The following IGHMBP2 variants were observed in gnomAD, a reference collection of about 807,000 sequenced individuals.
The protein encoded by IGHMBP2 is DNA-binding protein SMUBP-2.
In IGHMBP2, 81 loss-of-function variants were observed where a neutral mutation model predicts 96.0. The ratio of observed to expected loss-of-function variants is 0.84; its 90% confidence interval spans 0.71 to 1.01. IGHMBP2 has a LOEUF of 1.01. Ranked by LOEUF, IGHMBP2 falls within the 50% of genes least tolerant of loss-of-function variation. The pLI, the probability that IGHMBP2 is intolerant of heterozygous loss-of-function variation, is 0.00. For synonymous variants in IGHMBP2, 557 were observed against 548.9 expected (o/e 1.01, Z -0.21); for missense variants, 1,227 against 1,306.3 (o/e 0.94, Z 0.94).
chr11:68,934,268 G>A (rs1347554301), intron 10 of IGHMBP2, 196 bp from the exon 11 acceptor site: 6 of 664,186 alleles, frequency 9.0e-6, no homozygotes. Context: ...GGCCTTCATT[G>A]CTGATGTGAA....
intron 8 of IGHMBP2, chr11:68,930,389 GA>G: frequency 7.8e-7 from 1 of 1,289,810 alleles, no homozygotes; most frequent in Non-Finnish European, 1.0e-6. Flanking sequence ...AAATCCTGTC[GA>G]GTAGAATCTC....
rs751421003 is a variant in IGHMBP2, at chr11:68,914,967, C to T, written c.856C>T (p.Arg286Trp). Residue 286 changes from arginine to tryptophan, a missense_variant, in exon 6 of 15, where the codon CGG (arginine) becomes TGG (tryptophan). By Grantham distance (101) the Arg-to-Trp change is moderately radical. Around this residue, in one of 3 missense-constraint regions of IGHMBP2, gnomAD observed 507 missense variants for 496.9 expected, o/e 1.02. Transcript: ENST00000255078. ...QQHSLDAVLA[R>W]SDSAQIVADI... ...GCACTCCCTGGATGCGGTTTTAGCG[C>T]GGAGCGACAGTGCCCAGATTGTTGC... The T allele has an allele frequency of 4.6e-5, 75 of 1,614,016 alleles. No homozygotes were observed. The highest frequency in any genetic ancestry group is 3.3e-4 in the Middle Eastern group (2 of 6,084).
chr11:68,917,364 T>G (rs7127717), intron 6 of IGHMBP2, among the ~76,000 whole-genome samples: 5,329 of 152,218 alleles, frequency 0.035, 315 homozygotes, highest in African/African-American at 0.12. Flanking sequence ...AAATGTAGAA[T>G]AATATGTGAA....
chr11:68,915,144 T>G (rs1263124390), intron 6 of IGHMBP2, 121 bp downstream of exon 6: 3 of 594,304 alleles, frequency 5.0e-6, no homozygotes, highest in Non-Finnish European at 8.5e-6. Flanking sequence ...ATTCCTTTAA[T>G]AATTTTAAAA....
intron 8 of IGHMBP2, among the ~76,000 whole-genome samples, chr11:68,930,868 G>C (rs1312496712): frequency 6.6e-6 from 1 of 152,156 alleles, no homozygotes. Context: ...GGTCTCTGAA[G>C]CTCTCAGCAG....
At chr11:68,921,062 T>A (rs530066619) in intron 7 of IGHMBP2, among the ~76,000 whole-genome samples, 2 of 151,870 alleles carry the variant, frequency 1.3e-5, no homozygotes, top group Non-Finnish European at 2.9e-5. Context: ...CTAAAGTGAA[T>A]TTTTTTGTAG....
chr11:68,911,714 C>T (rs1858443822), intron 5 of IGHMBP2, 111 bp downstream of exon 5: 1 of 966,900 alleles, frequency 1.0e-6, no homozygotes, highest in Non-Finnish European at 1.6e-6. Context: ...GGGTCAGGAA[C>T]ATTACTGAGC....
chr11:68,926,095 C>G (rs1859056033), intron 7 of IGHMBP2: 1 of 151,980 alleles, frequency 6.6e-6, no homozygotes. Flanking sequence ...TTGATAATGC[C>G]CCACAGATCT....
At position 68,939,891 on chromosome 11, in the gene IGHMBP2, G is replaced by T; in HGVS notation, c.*160G>T. On this transcript the variant is annotated 3_prime_UTR_variant, in exon 15 of 15. Coordinates refer to ENST00000255078, the MANE Select transcript of IGHMBP2 (RefSeq NM_002180.3). The stretch of plus-strand genomic sequence containing the variant: ...GAAGGTTGGGTTTTTGGACCCCAGG[G>T]ATAAGCTTTTCCGATGTCACAATGT... 4 of 703,354 alleles carry T rather than the reference G, an allele frequency of 5.7e-6. No individual in the cohort carries two copies. In the East Asian group the frequency reaches 8.2e-5, roughly 14 times the overall value. The allele number at this position is 703,354 out of a possible 1,614,324, so 43.6% of individuals were successfully genotyped here.
chr11:68,931,051 G>T (rs1262238128), intron 8 of IGHMBP2, among the ~76,000 whole-genome samples: 1 of 152,160 alleles, frequency 6.6e-6, no homozygotes, highest in Non-Finnish European at 1.5e-5. Context: ...TGGTCCACAG[G>T]ACTGGCAGCC....
In IGHMBP2 at chr11:68,938,273, G is replaced by A. The variant is rs1457468543; in HGVS notation, c.2703G>A (p.Lys901=). The A allele has an allele frequency of 1.4e-5, 22 of 1,613,712 alleles. No homozygotes were observed. The Admixed American group carries it at 3.5e-4, about 26-fold the overall frequency. ...CTGATAACACCTGCGGCTTTGCCAA[G>A]TGCACAGCCGGCGTCACAACCCTGG... The part of the protein sequence containing the change: ...VKADNTCGFA[K]CTAGVTTLGQ... The change falls in exon 14 of 15, where the codon AAG becomes AAA. Residue 901 remains lysine (K), a synonymous_variant. Coordinates refer to ENST00000255078, the MANE Select transcript of IGHMBP2 (RefSeq NM_002180.3).
chr11:68,904,696 C>T (rs971924998), intron 1 of IGHMBP2, among the ~76,000 whole-genome samples: 1 of 152,100 alleles, frequency 6.6e-6, no homozygotes, highest in Non-Finnish European at 1.5e-5. Context: ...GGACTATTTA[C>T]TTGTCCAAAA....
chr11:68,916,153 G>A (rs1858660057), intron 6 of IGHMBP2, among the ~76,000 whole-genome samples: 1 of 151,914 alleles, frequency 6.6e-6, no homozygotes, highest in Non-Finnish European at 1.5e-5. Context: ...CAGCCTCGGT[G>A]ACAAAGCAAG....
intron 6 of IGHMBP2, 142 bp downstream of exon 6, chr11:68,915,165 CCTTTT>C: frequency 7.5e-6 from 2 of 265,072 alleles, no homozygotes; most frequent in East Asian, 5.2e-5. Flanking sequence ...ATTGGGCTGC[CCTTTT>C]TTTTTTTTTT....
In IGHMBP2 at chr11:68,939,558, C is replaced by T. The variant is rs765452402; in HGVS notation, c.2809C>T (p.Arg937Cys). 121 of 1,612,194 alleles carry T rather than the reference C, an allele frequency of 7.5e-5. 1 individual carries two copies. In the East Asian group the frequency reaches 2.4e-3, roughly 32 times the overall value. ...GATCCATGGCTGCGGTGAGAGGGCT[C>T]GCGCCCATGCCCGGCAGAGAATCAG... ...PEIHGCGERA[R>C]AHARQRISRE... Residue 937 changes from arginine to cysteine, a missense_variant, in exon 15 of 15, where the codon CGC becomes TGC. Physicochemically the swap from Arg to Cys is radical, Grantham distance 180. This residue lies in a region of IGHMBP2 where 703 missense variants were observed against 770.3 expected (regional missense o/e 0.91). Coordinates refer to ENST00000255078, the MANE Select transcript of IGHMBP2 (RefSeq NM_002180.3).
At chr11:68,909,434 C>T (rs972487441) in intron 4 of IGHMBP2, among the ~76,000 whole-genome samples, 4 of 152,124 alleles carry the variant, frequency 2.6e-5, no homozygotes, top group African/African-American at 7.2e-5. Flanking sequence ...CTCACCTCAG[C>T]CTCCCAAAGT....
intron 8 of IGHMBP2, chr11:68,930,362 G>C (rs775873602): frequency 2.3e-6 from 3 of 1,289,674 alleles, no homozygotes; most frequent in Non-Finnish European, 3.0e-6. Context: ...TCCGAGGACC[G>C]GAAGAAGATG....
chr11:68,933,393 A>T lies in IGHMBP2; in HGVS notation c.1330A>T (p.Met444Leu). 6.2e-7 allele frequency: 1 copy of T among 1,613,122 alleles called. No individual in the cohort carries two copies. Among genetic ancestry groups the T allele is most frequent in the Non-Finnish European group, 8.5e-7 (1 of 1,179,770 alleles). ...VVRTLTVQYR[M>L]HQAIMRWASD... ...GCGGACACTGACGGTGCAGTACCGCATGCACCAGGCTATCATGCGCTGGGC... is the reference window on the plus strand; with the variant it reads ...GCGGACACTGACGGTGCAGTACCGCTTGCACCAGGCTATCATGCGCTGGGC... Residue 444 changes from methionine (M) to leucine (L), a missense_variant, in exon 9 of 15, where the codon ATG (methionine) becomes TTG (leucine). Physicochemically the swap from Met to Leu is conservative, Grantham distance 15 (BLOSUM62 2). Around this residue, in one of 3 missense-constraint regions of IGHMBP2, gnomAD observed 703 missense variants for 770.3 expected, o/e 0.91. Coordinates refer to ENST00000255078, the MANE Select transcript of IGHMBP2 (RefSeq NM_002180.3).
rs1859677695 is a variant in IGHMBP2 at position 68,939,676 on chromosome 11, A to G, written c.2927A>G (p.Lys976Arg). ...RAQLQRRLDK[K>R]LSELSNQRTS... ...CAGCTGCAGAGGAGGCTGGATAAGA[A>G]GCTGAGTGAGCTCAGCAACCAGAGG... Residue 976 changes from lysine to arginine, a missense_variant, in exon 15 of 15, where the codon AAG becomes AGG. Physicochemically the swap from Lys to Arg is conservative, Grantham distance 26. Around this residue, in one of 3 missense-constraint regions of IGHMBP2, gnomAD observed 703 missense variants for 770.3 expected, o/e 0.91. Transcript: ENST00000255078. The G allele has an allele frequency of 6.2e-7, 1 of 1,612,768 alleles. No homozygotes were observed. The highest frequency in any genetic ancestry group is 8.5e-7 in the Non-Finnish European group (1 of 1,179,766).
Sources: gnomAD v4.1 joint callset for allele counts (sites outside exome capture counted in the v4.1 genomes callset) on GRCh38, gnomAD v4.1.1 for gene constraint, gnomAD v4.1.1 regional missense constraint, MANE v1.5 for transcripts, NCBI Gene and HGNC (gene_info 2026-07-23, HGNC 2026-07-21) for gene names.